CDK14: variants seen among roughly 807,000 people sequenced by gnomAD.
CDK14 encodes the protein cyclin dependent kinase 14, also known as cyclin-dependent kinase 14.
Under a neutral mutation model 60.7 loss-of-function variants are expected in CDK14, and 34 were observed. The observed-to-expected ratio is 0.56, with a 90% confidence interval of 0.43 to 0.75. The LOEUF (loss-of-function observed/expected upper bound fraction) is 0.75. Among genes scored for constraint, CDK14 ranks in the 30% least tolerant of loss-of-function variants. The pLI is 0.00. For missense variants in CDK14, 482 were observed against 564.1 expected, an observed-to-expected ratio of 0.85 and a Z score of 1.47; for synonymous variants, 197 against 203.7, an observed-to-expected ratio of 0.97 and a Z score of 0.28.
intron 2 of CDK14, among the ~76,000 whole-genome samples, chr7:90,709,022 G>T (rs1801967213): frequency 1.3e-5 from 2 of 152,094 alleles, no homozygotes; most frequent in Non-Finnish European, 2.9e-5. Flanking sequence ...TTGCCTAAGG[G>T]TTGTGAGATC....
At chr7:90,680,674 G>A (rs530160720) in intron 2 of CDK14, among the ~76,000 whole-genome samples, 2 of 152,320 alleles carry the variant, frequency 1.3e-5, no homozygotes, top group Admixed American at 1.3e-4. Context: ...TATCAGATAT[G>A]CATAATATGT....
chr7:90,749,227 G>C (rs1562751655), intron 4 of CDK14, among the ~76,000 whole-genome samples: 1 of 151,776 alleles, frequency 6.6e-6, no homozygotes, highest in Non-Finnish European at 1.5e-5. Context: ...TGGAGCACCC[G>C]CTTGCCTCGT....
intron 9 of CDK14, among the ~76,000 whole-genome samples, chr7:90,966,159 C>A (rs1385350210): frequency 6.6e-6 from 1 of 152,014 alleles, no homozygotes; most frequent in African/African-American, 2.4e-5. Context: ...ATTGGAACTC[C>A]TTTCTTAATC....
chr7:90,711,399 C>T (rs186659740), intron 2 of CDK14, among the ~76,000 whole-genome samples: 5 of 151,436 alleles, frequency 3.3e-5, no homozygotes, highest in South Asian at 2.1e-4. Flanking sequence ...GAAGATGATG[C>T]GCCCTGTGTT....
Position 90,863,263 on chromosome 7 carries a change from A to G in CDK14, c.633A>G (p.Glu211=). 6.4e-7 allele frequency: 1 copy of G among 1,551,018 alleles called. No individual in the cohort carries two copies. Among genetic ancestry groups the G allele is most frequent in the Non-Finnish European group, 8.9e-7 (1 of 1,124,846 alleles). Residue 211 remains glutamate (E), a synonymous_variant, in exon 6 of 15, where the codon GAA becomes GAG. Transcript: ENST00000380050. Reference sequence around the variant, plus strand: ...AGGAGACGCTGACACTTGTGTTTGAATATGTGGTAAGTAAAATAAGACTTT... The same window carrying G: ...AGGAGACGCTGACACTTGTGTTTGAGTATGTGGTAAGTAAAATAAGACTTT... ...HTKETLTLVF[E]YVHTDLCQYM...
At chr7:91,192,513 C>T (rs903392549) in intron 14 of CDK14, among the ~76,000 whole-genome samples, 3 of 152,292 alleles carry the variant, frequency 2.0e-5, no homozygotes, top group Middle Eastern at 3.4e-3. Context: ...TAGTTGTCTG[C>T]AATCCCTTCT....
chr7:90,790,256 G>A (rs553338994), intron 4 of CDK14, among the ~76,000 whole-genome samples: 1 of 152,142 alleles, frequency 6.6e-6, no homozygotes, highest in East Asian at 1.9e-4. Context: ...TTGATTGCAT[G>A]ATTTTTAATT....
rs151180890 is a variant in CDK14 at position 90,686,308 on chromosome 7, C to T, written c.124-40259C>T. Among the ~76,000 whole-genome samples the T allele has an allele frequency of 1.7e-3, 255 of 151,988 alleles. 4 individuals are homozygous for T. The highest frequency in any genetic ancestry group is 0.012 in the South Asian group (58 of 4,812). On this transcript the variant is annotated intron_variant, in intron 2 of 14. Transcript: ENST00000380050. Reference sequence around the variant, plus strand: ...ATTTATCTCTAAATAAATATTTAGCCTTCTTTTTCCAATTAGGGAAGATTT... The same window carrying T: ...ATTTATCTCTAAATAAATATTTAGCTTTCTTTTTCCAATTAGGGAAGATTT...
At chr7:90,820,369 C>T (rs1296697299) in intron 5 of CDK14, among the ~76,000 whole-genome samples, 1 of 152,124 alleles carries the variant, frequency 6.6e-6, no homozygotes, top group Non-Finnish European at 1.5e-5. Flanking sequence ...AAATTGTAAT[C>T]CCCACATGTC....
intron 2 of CDK14, among the ~76,000 whole-genome samples, chr7:90,659,386 A>T (rs1800815930): frequency 6.6e-6 from 1 of 152,196 alleles, no homozygotes; most frequent in African/African-American, 2.4e-5. Context: ...GTTAGATTAT[A>T]TGCTTCCTGC....
At chr7:91,114,325 T>C (rs1799549256) in intron 13 of CDK14, among the ~76,000 whole-genome samples, 1 of 152,224 alleles carries the variant, frequency 6.6e-6, no homozygotes, top group Non-Finnish European at 1.5e-5. Context: ...ATCCAGTTTC[T>C]ATCAGTGAGT....
intron 2 of CDK14, among the ~76,000 whole-genome samples, chr7:90,653,720 C>T (rs1393940697): frequency 1.3e-5 from 2 of 151,888 alleles, no homozygotes; most frequent in African/African-American, 4.8e-5. Flanking sequence ...GCACAATGTG[C>T]AGGTTTGTTA....
At chr7:90,821,203 A>G (rs930862282) in intron 5 of CDK14, among the ~76,000 whole-genome samples, 7 of 152,150 alleles carry the variant, frequency 4.6e-5, no homozygotes, top group African/African-American at 1.7e-4. Flanking sequence ...CCTATGTTGC[A>G]TGCAGGTTTA....
intron 2 of CDK14, among the ~76,000 whole-genome samples, chr7:90,628,372 A>T (rs1799920778): frequency 6.6e-6 from 1 of 152,048 alleles, no homozygotes; most frequent in Admixed American, 6.5e-5. Context: ...TTTTTCCAGG[A>T]CTCCTCAATC....
At chr7:91,045,840 AT>A in intron 10 of CDK14, 56 bp from the exon 11 acceptor site, 1 of 1,158,858 alleles carries the variant, frequency 8.6e-7, no homozygotes, top group Non-Finnish European at 1.3e-6. Context: ...ACACTTGAGA[AT>A]TTTGAGTGCT....
chr7:91,180,741 A>G (rs2115876205), intron 14 of CDK14, among the ~76,000 whole-genome samples: 1 of 152,348 alleles, frequency 6.6e-6, no homozygotes, highest in East Asian at 1.9e-4. Context: ...AAATGCCTTA[A>G]AAGCCAAAGT....
chr7:90,972,756 G>C (rs1322538655), intron 9 of CDK14, among the ~76,000 whole-genome samples: 1 of 152,178 alleles, frequency 6.6e-6, no homozygotes, highest in Non-Finnish European at 1.5e-5. Flanking sequence ...GCTGGAGCTT[G>C]AATATATGTT....
intron 11 of CDK14, among the ~76,000 whole-genome samples, chr7:91,071,410 C>T (rs368791085): frequency 7.2e-5 from 11 of 151,892 alleles, no homozygotes; most frequent in Admixed American, 2.0e-4. Flanking sequence ...TGTAGTGCGG[C>T]GGCCCACCTG....
At chr7:90,938,875 A>G (rs1401003119) in intron 8 of CDK14, among the ~76,000 whole-genome samples, 1 of 152,184 alleles carries the variant, frequency 6.6e-6, no homozygotes, top group Non-Finnish European at 1.5e-5. Flanking sequence ...CATTTGATGC[A>G]TTGTCATCTT....
Sources: gnomAD v4.1 joint callset for allele counts (sites outside exome capture counted in the v4.1 genomes callset) on GRCh38, gnomAD v4.1.1 for gene constraint, MANE v1.5 for transcripts, NCBI Gene and HGNC (gene_info 2026-07-23, HGNC 2026-07-21) for gene names.